INPP4B: variants seen among roughly 807,000 people sequenced by gnomAD.
The protein encoded by INPP4B is inositol polyphosphate 4-phosphatase type II.
In INPP4B, 55 loss-of-function variants were observed where a neutral mutation model predicts 122.5. That is an observed-to-expected ratio of 0.45 (90% CI 0.36 to 0.56). The LOEUF (loss-of-function observed/expected upper bound fraction) is 0.56, where lower values mean the gene tolerates loss of function less well. INPP4B is among the 20% of genes least tolerant of loss of function. The pLI, the probability that INPP4B is intolerant of heterozygous loss-of-function variation, is 0.00. For synonymous variants in INPP4B, 403 were observed against 388.7 expected, an observed-to-expected ratio of 1.04 and a Z score of -0.43; for missense variants, 1,000 against 1,097.7, an observed-to-expected ratio of 0.91 and a Z score of 1.26.
chr4:142,731,181 T>A (rs1766030988), intron 1 of INPP4B, among the ~76,000 whole-genome samples: 1 of 152,130 alleles, frequency 6.6e-6, no homozygotes, highest in South Asian at 2.1e-4. Context: ...CCTCCCTGTG[T>A]CCATGGCCAC....
intron 4 of INPP4B, among the ~76,000 whole-genome samples, chr4:142,430,395 G>A (rs535701872): frequency 1.3e-5 from 2 of 151,824 alleles, no homozygotes; most frequent in Non-Finnish European, 2.9e-5. Flanking sequence ...TCTCAAAAAC[G>A]CATCCAACCA....
intron 2 of INPP4B, among the ~76,000 whole-genome samples, chr4:142,578,982 T>C (rs1734434641): frequency 6.6e-6 from 1 of 152,044 alleles, no homozygotes; most frequent in Non-Finnish European, 1.5e-5. Flanking sequence ...ATATGTTTTA[T>C]TGCCTATTTC....
At chr4:142,465,502 CTGAAT>C (rs751853104) in intron 2 of INPP4B, among the ~76,000 whole-genome samples, 13 of 152,252 alleles carry the variant, frequency 8.5e-5, no homozygotes, top group Non-Finnish European at 1.8e-4. Flanking sequence ...GGGTGTTAAA[CTGAAT>C]TGAACATTAT....
chr4:142,504,043 A>G (rs1030250671), intron 2 of INPP4B, among the ~76,000 whole-genome samples: 8 of 152,232 alleles, frequency 5.3e-5, no homozygotes, highest in Admixed American at 2.0e-4. Context: ...TTGGAATCCC[A>G]TAACTTATAC....
intron 9 of INPP4B, among the ~76,000 whole-genome samples, chr4:142,296,380 T>C (rs1758701569): frequency 6.6e-6 from 1 of 152,170 alleles, no homozygotes; most frequent in Admixed American, 6.5e-5. Flanking sequence ...GAACTGATGA[T>C]AATAATTTAA....
At chr4:142,117,680 T>C (rs1231310462) in intron 21 of INPP4B, among the ~76,000 whole-genome samples, 3 of 152,076 alleles carry the variant, frequency 2.0e-5, no homozygotes, top group Non-Finnish European at 2.9e-5. Flanking sequence ...ATAAGATCTA[T>C]CTATGACAAA....
chr4:142,234,704 G>A (rs1446944401), intron 12 of INPP4B, among the ~76,000 whole-genome samples: 3 of 152,114 alleles, frequency 2.0e-5, no homozygotes, highest in Non-Finnish European at 4.4e-5. Flanking sequence ...AATCTATCAG[G>A]CTTTTATACC....
At chr4:142,653,096 C>T (rs1002871574) in intron 2 of INPP4B, among the ~76,000 whole-genome samples, 3 of 152,154 alleles carry the variant, frequency 2.0e-5, no homozygotes, top group African/African-American at 7.2e-5. Context: ...TGATCTTTGA[C>T]AAACCTGACA....
At chr4:142,660,425 A>G (rs1005209866) in intron 2 of INPP4B, among the ~76,000 whole-genome samples, 6 of 151,574 alleles carry the variant, frequency 4.0e-5, no homozygotes, top group African/African-American at 1.5e-4. Flanking sequence ...AACCCCTGGA[A>G]CTCCTTTAAA....
At position 142,191,035 on chromosome 4, in the gene INPP4B, C is replaced by T. The variant is rs370461675; in HGVS notation, c.1181+2052G>A. Among the ~76,000 whole-genome samples, 8 of 152,092 alleles carry T rather than the reference C, an allele frequency of 5.3e-5. No homozygotes were observed. In the East Asian group the frequency reaches 1.2e-3, roughly 22 times the overall value. On this transcript the variant is annotated intron_variant, in intron 15 of 25. Coordinates refer to ENST00000262992, the MANE Select transcript of INPP4B (RefSeq NM_001101669.3). ...ATTGAGGAAAAAAAATAGATTAAGT[C>T]AACTCTCAAGACTGAGACACAGTTC...
rs577466903 is a variant in INPP4B, at chr4:142,495,108, G to A, written c.-190-32382C>T. On this transcript the variant is annotated intron_variant, in intron 2 of 25. Coordinates refer to ENST00000262992, the MANE Select transcript of INPP4B (RefSeq NM_001101669.3). ...TAATATTCTACAAAGTTCCAATGTA[G>A]TACTTTCATTAAACTTTTCTGTATT... Among the ~76,000 whole-genome samples the A allele has an allele frequency of 2.6e-4, 39 of 152,162 alleles. 1 individual carries two copies. Among genetic ancestry groups the A allele is most frequent in the African/African-American group, 8.9e-4 (37 of 41,532 alleles).
chr4:142,430,686 T>C (rs1809116110), intron 4 of INPP4B, among the ~76,000 whole-genome samples: 1 of 152,106 alleles, frequency 6.6e-6, no homozygotes, highest in Non-Finnish European at 1.5e-5. Context: ...TCTATATTTG[T>C]GGCCTAGTGC....
At chr4:142,722,087 TATG>T (rs1225342182) in intron 2 of INPP4B, among the ~76,000 whole-genome samples, 4 of 152,250 alleles carry the variant, frequency 2.6e-5, no homozygotes, top group African/African-American at 4.8e-5. Context: ...CACCTTTATA[TATG>T]ATATCAAATT....
chr4:142,318,838 T>C (rs1436083556), intron 7 of INPP4B, among the ~76,000 whole-genome samples: 1 of 152,202 alleles, frequency 6.6e-6, no homozygotes, highest in African/African-American at 2.4e-5. Context: ...TTTCATGGAA[T>C]TCCTATAGAC....
intron 2 of INPP4B, among the ~76,000 whole-genome samples, chr4:142,657,689 A>G (rs1053177770): frequency 6.6e-6 from 1 of 152,228 alleles, no homozygotes; most frequent in African/African-American, 2.4e-5. Context: ...GTGGAAATTA[A>G]TCTTTCAGAA....
At chr4:142,251,310 A>G (rs1182853415) in intron 11 of INPP4B, among the ~76,000 whole-genome samples, 1 of 152,204 alleles carries the variant, frequency 6.6e-6, no homozygotes, top group Non-Finnish European at 1.5e-5. Context: ...ATCAAGCTGT[A>G]TTTAACATGA....
chr4:142,172,489 G>A (rs535098981), intron 16 of INPP4B, among the ~76,000 whole-genome samples: 1 of 152,066 alleles, frequency 6.6e-6, no homozygotes, highest in Non-Finnish European at 1.5e-5. Context: ...ACAGAGGCAT[G>A]TGTTCTGGCC....
At chr4:142,761,215 T>C (rs1580854148) in intron 1 of INPP4B, among the ~76,000 whole-genome samples, 1 of 152,100 alleles carries the variant, frequency 6.6e-6, no homozygotes, top group East Asian at 1.9e-4. Flanking sequence ...CACACCTTAT[T>C]GAGCATTTTT....
chr4:142,557,032 C>T (rs571439000), intron 2 of INPP4B, among the ~76,000 whole-genome samples: 35 of 152,208 alleles, frequency 2.3e-4, no homozygotes, highest in Middle Eastern at 6.8e-3. Flanking sequence ...AGCCAACCTC[C>T]AATATTATAT....
Sources: gnomAD v4.1 joint callset for allele counts (sites outside exome capture counted in the v4.1 genomes callset) on GRCh38, gnomAD v4.1.1 for gene constraint, MANE v1.5 for transcripts, NCBI Gene and HGNC (gene_info 2026-07-23, HGNC 2026-07-21) for gene names.